Variants in KIF6 observed in about 807,000 individuals in gnomAD.
KIF6 encodes kinesin-like protein KIF6.
Under a neutral mutation model 112.7 loss-of-function variants are expected in KIF6, and 106 were observed. The observed-to-expected ratio is 0.94, with a 90% confidence interval of 0.80 to 1.11. The LOEUF (loss-of-function observed/expected upper bound fraction) is 1.11, where lower values mean the gene tolerates loss of function less well. Ranked by LOEUF, KIF6 falls within the 50% of genes least tolerant of loss-of-function variation. The pLI is 0.00. For missense variants in KIF6, 929 were observed against 964.0 expected (o/e 0.96, Z 0.48); for synonymous variants, 339 against 339.9 (o/e 1.00, Z 0.03).
intron 3 of KIF6, among the ~76,000 whole-genome samples, chr6:39,707,637 T>C (rs1277458466): frequency 6.6e-6 from 1 of 152,222 alleles, no homozygotes; most frequent in Admixed American, 6.5e-5. Context: ...CTGTACTTAG[T>C]AAGGGGAATA....
chr6:39,393,467 T>G (rs1029033411), intron 15 of KIF6, among the ~76,000 whole-genome samples: 2 of 152,194 alleles, frequency 1.3e-5, no homozygotes, highest in South Asian at 4.1e-4. Context: ...TCCTGACATA[T>G]AATAAAAACT....
intron 2 of KIF6, among the ~76,000 whole-genome samples, chr6:39,716,467 C>A (rs1270570625): frequency 6.6e-6 from 1 of 152,108 alleles, no homozygotes; most frequent in Admixed American, 6.5e-5. Context: ...TATTAAGCAT[C>A]AAATGTCATC....
chr6:39,593,814 T>C (rs1192161831), intron 7 of KIF6, among the ~76,000 whole-genome samples: 2 of 152,154 alleles, frequency 1.3e-5, no homozygotes, highest in East Asian at 3.9e-4. Flanking sequence ...GAAAACCATC[T>C]TCAACTCTCA....
At chr6:39,575,635 C>T (rs1441473357) in intron 10 of KIF6, among the ~76,000 whole-genome samples, 1 of 152,164 alleles carries the variant, frequency 6.6e-6, no homozygotes, top group African/African-American at 2.4e-5. Flanking sequence ...AACTGGTCTT[C>T]AGAACTTCTC....
chr6:39,668,758 A>G (rs1211224766), intron 3 of KIF6, among the ~76,000 whole-genome samples: 1 of 152,172 alleles, frequency 6.6e-6, no homozygotes, highest in Non-Finnish European at 1.5e-5. Flanking sequence ...AAACGCAAAT[A>G]CAATTCAGAC....
intron 3 of KIF6, among the ~76,000 whole-genome samples, chr6:39,675,585 C>T (rs1224415291): frequency 7.7e-6 from 1 of 129,038 alleles, no homozygotes; most frequent in Admixed American, 8.7e-5. Context: ...AGCTCACAAT[C>T]TAAAACAACA....
rs143063055 is a variant in KIF6 at position 39,348,488 on chromosome 6, T to G, written c.2181-1962A>C. 1.7e-3 allele frequency among the ~76,000 whole-genome samples: 259 copies of G among 152,296 alleles called. 3 individuals carry two copies. The highest frequency in any genetic ancestry group is 1.4e-3 in the Admixed American group (21 of 15,300). ...AAACCTGTAAGCTGCTCAAGCATCC[T>G]GTTCCTGGATGCCACAGCTTGGTTT... is the stretch of plus-strand genomic sequence containing the variant. On this transcript the variant is annotated intron_variant, in intron 19 of 22. Transcript: ENST00000287152.
chr6:39,564,472 T>C (rs1780174083), intron 10 of KIF6, among the ~76,000 whole-genome samples: 1 of 152,212 alleles, frequency 6.6e-6, no homozygotes, highest in African/African-American at 2.4e-5. Flanking sequence ...ACTAATTATT[T>C]GCTAGGCAAT....
At chr6:39,510,094 CTTTTTTT>C (rs70984130) in intron 13 of KIF6, among the ~76,000 whole-genome samples, 3 of 131,558 alleles carry the variant, frequency 2.3e-5, no homozygotes, top group Non-Finnish European at 4.8e-5. Context: ...CTTTTCTTTT[CTTTTTTT>C]TTTTTTTTTT....
intron 3 of KIF6, among the ~76,000 whole-genome samples, chr6:39,671,738 T>G (rs1199044052): frequency 1.3e-5 from 2 of 152,256 alleles, no homozygotes; most frequent in African/African-American, 4.8e-5. Flanking sequence ...TAGCAGGGCT[T>G]TTCAAATTAT....
At chr6:39,587,064 A>G (rs1781677208) in intron 7 of KIF6, among the ~76,000 whole-genome samples, 1 of 152,196 alleles carries the variant, frequency 6.6e-6, no homozygotes, top group Non-Finnish European at 1.5e-5. Context: ...CCTTGGTTCA[A>G]TTCAGGCTTG....
At chr6:39,606,617 T>G (rs1031931744) in intron 6 of KIF6, among the ~76,000 whole-genome samples, 1 of 152,142 alleles carries the variant, frequency 6.6e-6, no homozygotes, top group Non-Finnish European at 1.5e-5. Context: ...ATATTTCACA[T>G]GAATAGGTCT....
chr6:39,608,616 C>T lies in KIF6; in HGVS notation c.639+4573G>A, dbSNP rs1783025441. 2.6e-5 allele frequency among the ~76,000 whole-genome samples: 4 copies of T among 152,136 alleles called. 1 individual carries two copies. In the South Asian group the frequency reaches 8.3e-4, roughly 32 times the overall value. On this transcript the variant is annotated intron_variant, in intron 6 of 22. Transcript: ENST00000287152. Reference sequence around the variant, plus strand: ...AATTAGGTATAAAGACCTCTAATCCCTCTTGGGGAAATTATTTATAAATCC... The same window carrying T: ...AATTAGGTATAAAGACCTCTAATCCTTCTTGGGGAAATTATTTATAAATCC...
At chr6:39,629,692 A>G (rs938393230) in intron 5 of KIF6, among the ~76,000 whole-genome samples, 27 of 152,100 alleles carry the variant, frequency 1.8e-4, no homozygotes, top group African/African-American at 6.5e-4. Context: ...TAATTTTAAT[A>G]AAGTTCAACT....
chr6:39,608,858 AAC>A (rs1258510775), intron 6 of KIF6, among the ~76,000 whole-genome samples: 1 of 152,154 alleles, frequency 6.6e-6, no homozygotes, highest in African/African-American at 2.4e-5. Context: ...AATTCCACAA[AAC>A]AGTTAATCAG....
intron 13 of KIF6, among the ~76,000 whole-genome samples, chr6:39,521,695 G>C (rs947797883): frequency 2.0e-5 from 3 of 152,168 alleles, no homozygotes; most frequent in Non-Finnish European, 4.4e-5. Flanking sequence ...ATTTCAATGA[G>C]AGTCAGTCAA....
intron 16 of KIF6, among the ~76,000 whole-genome samples, chr6:39,380,535 G>A (rs574666970): frequency 4.6e-5 from 7 of 152,210 alleles, no homozygotes; most frequent in East Asian, 1.9e-4. Context: ...GCACAGTCAC[G>A]CGTGTGTGCA....
chr6:39,604,716 A>C (rs1782788913), intron 6 of KIF6, among the ~76,000 whole-genome samples: 1 of 152,194 alleles, frequency 6.6e-6, no homozygotes, highest in Non-Finnish European at 1.5e-5. Flanking sequence ...AATCTGGAAC[A>C]TATAATAAGA....
At chr6:39,389,041 G>A (rs914583722) in intron 15 of KIF6, among the ~76,000 whole-genome samples, 2 of 152,182 alleles carry the variant, frequency 1.3e-5, no homozygotes, top group Admixed American at 6.5e-5. Context: ...GGGGAGCAGA[G>A]CTTACAGCAA....
Sources: gnomAD v4.1 joint callset for allele counts (sites outside exome capture counted in the v4.1 genomes callset) on GRCh38, gnomAD v4.1.1 for gene constraint, MANE v1.5 for transcripts, NCBI Gene and HGNC (gene_info 2026-07-23, HGNC 2026-07-21) for gene names.